The following IL34 variants were observed in gnomAD, a reference collection of about 807,000 sequenced individuals.
IL34 encodes the protein interleukin-34.
A neutral mutation model predicts 25.3 loss-of-function variants in IL34; 17 were observed. The observed-to-expected ratio is 0.67, with a 90% CI of 0.46 to 1.01. The LOEUF (loss-of-function observed/expected upper bound fraction) is 1.01. IL34 is among the 50% of genes least tolerant of loss of function. IL34 has a pLI of 0.00. For missense variants in IL34, 368 were observed against 312.9 expected, an observed-to-expected ratio of 1.18 and a Z score of -1.33; for synonymous variants, 174 against 140.9, an observed-to-expected ratio of 1.23 and a Z score of -1.66.
intron 1 of IL34, among the ~76,000 whole-genome samples, chr16:70,598,821 C>T (rs1474640618): frequency 6.6e-6 from 1 of 152,100 alleles, no homozygotes; most frequent in Non-Finnish European, 1.5e-5. Context: ...TAGACGGATG[C>T]CTGCAGTCCA....
At chr16:70,634,790 T>G (rs1423527981) in intron 1 of IL34, among the ~76,000 whole-genome samples, 1 of 151,718 alleles carries the variant, frequency 6.6e-6, no homozygotes, top group Non-Finnish European at 1.5e-5. Flanking sequence ...CACCATAGAT[T>G]AGTTTATTGG....
intron 1 of IL34, among the ~76,000 whole-genome samples, chr16:70,627,382 C>A (rs1005126747): frequency 1.3e-5 from 2 of 151,896 alleles, no homozygotes; most frequent in Non-Finnish European, 2.9e-5. Flanking sequence ...CCACCAGATC[C>A]CCAAACACTC....
In IL34 at chr16:70,630,399, GT is replaced by G. The variant is rs1256310757; in HGVS notation, c.-400-16145del. Among the ~76,000 whole-genome samples, 8 of 149,056 alleles carry G rather than the reference GT, an allele frequency of 5.4e-5. No homozygotes were observed. The East Asian group carries it at 1.6e-3, about 30-fold the overall frequency. On this transcript the variant is annotated intron_variant, in intron 1 of 6. Transcript: ENST00000429149. The stretch of plus-strand genomic sequence containing the variant: ...GGTGTGCACCACCATGCCTGGCTAA[GT>G]TTTGTATTTTTAGTAGAGACGAGGT...
upstream of IL34, among the ~76,000 whole-genome samples, chr16:70,642,762 T>C (rs988824291): frequency 6.6e-6 from 1 of 152,136 alleles, no homozygotes; most frequent in Admixed American, 6.5e-5. Context: ...GTTCATAACA[T>C]GCTACAAAAT....
intron 1 of IL34, among the ~76,000 whole-genome samples, chr16:70,589,574 C>A (rs1263063279): frequency 6.6e-6 from 1 of 151,104 alleles, no homozygotes; most frequent in Non-Finnish European, 1.5e-5. Context: ...TGATCTCATT[C>A]TTTTTTATAG....
chr16:70,612,558 T>G (rs1278442858), intron 1 of IL34, among the ~76,000 whole-genome samples: 1 of 152,182 alleles, frequency 6.6e-6, no homozygotes, highest in Non-Finnish European at 1.5e-5. Context: ...CACACTAAAG[T>G]GTGAAAGATT....
intron 1 of IL34, among the ~76,000 whole-genome samples, chr16:70,587,982 T>G: frequency 6.6e-6 from 1 of 151,990 alleles, no homozygotes; most frequent in East Asian, 1.9e-4. Flanking sequence ...GAGGTCTCAG[T>G]GAGCAGAGGT....
chr16:70,618,854 T>C (rs2051217274), intron 1 of IL34, among the ~76,000 whole-genome samples: 2 of 152,112 alleles, frequency 1.3e-5, no homozygotes, highest in African/African-American at 4.8e-5. Context: ...CAGTACAGCC[T>C]AGGTAATTTG....
intron 1 of IL34, among the ~76,000 whole-genome samples, chr16:70,630,451 C>T (rs1441093974): frequency 6.6e-6 from 1 of 151,598 alleles, no homozygotes; most frequent in Non-Finnish European, 1.5e-5. Flanking sequence ...AGGCTGGTCT[C>T]GAATTCCTGA....
At chr16:70,598,894 G>C (rs1216059273) in intron 1 of IL34, among the ~76,000 whole-genome samples, 2 of 152,202 alleles carry the variant, frequency 1.3e-5, no homozygotes, top group Non-Finnish European at 2.9e-5. Flanking sequence ...CATAGGCAGT[G>C]GGGGTTCAGA....
intron 1 of IL34, among the ~76,000 whole-genome samples, chr16:70,637,594 C>A (rs186345608): frequency 2.0e-5 from 3 of 150,040 alleles, no homozygotes; most frequent in African/African-American, 4.9e-5. Flanking sequence ...TCTGCCCCCC[C>A]TCGACCTCCC....
intron 1 of IL34, among the ~76,000 whole-genome samples, chr16:70,621,890 TAAGGC>T: frequency 6.6e-6 from 1 of 152,034 alleles, no homozygotes; most frequent in East Asian, 1.9e-4. Context: ...TGTCATCAGT[TAAGGC>T]AAGGACCGGC....
chr16:70,615,003 T>C (rs2051151390), intron 1 of IL34, among the ~76,000 whole-genome samples: 1 of 152,222 alleles, frequency 6.6e-6, no homozygotes, highest in Non-Finnish European at 1.5e-5. Flanking sequence ...TCCTGTCCCA[T>C]AACCGGCCTC....
At chr16:70,656,923 T>C (rs1195072431) in intron 3 of IL34, 37 bp from the exon 4 acceptor site, 2 of 1,584,456 alleles carry the variant, frequency 1.3e-6, no homozygotes, top group Non-Finnish European at 1.7e-6. Context: ...CAGAGGCCCA[T>C]GTCTCCCGAG....
At chr16:70,658,522 G>T (rs1051578624) in intron 4 of IL34, among the ~76,000 whole-genome samples, 1 of 150,888 alleles carries the variant, frequency 6.6e-6, no homozygotes, top group African/African-American at 2.4e-5. Flanking sequence ...TCACTGTGTC[G>T]CCCAGGTGCA....
At chr16:70,645,893 A>C (rs1248236290), upstream of IL34, among the ~76,000 whole-genome samples, 1 of 151,974 alleles carries the variant, frequency 6.6e-6, no homozygotes, top group Non-Finnish European at 1.5e-5. Context: ...TCTCTACTAA[A>C]AATACAAAAA....
chr16:70,615,498 T>C (rs1597748056), intron 1 of IL34, among the ~76,000 whole-genome samples: 1 of 152,006 alleles, frequency 6.6e-6, no homozygotes, highest in East Asian at 1.9e-4. Context: ...AGAGCAAGAC[T>C]CCGTCTCAAA....
Position 70,656,875 on chromosome 16 carries a change from T to G in IL34, c.241-85T>G, listed in dbSNP as rs1041424173. 7.6e-6 allele frequency: 11 copies of G among 1,443,756 alleles called. No individual in the cohort carries two copies. In the East Asian group the frequency reaches 2.5e-4, roughly 33 times the overall value. 89.4% of individuals were successfully genotyped at this position (1,443,756 alleles called of 1,614,324 possible). Reference sequence around the variant, plus strand: ...GCGGACGGCCCGCGTCTGCTCCCTATGCAGGGGCAAGTCCCTGGTGAGGGA... The same window carrying G: ...GCGGACGGCCCGCGTCTGCTCCCTAGGCAGGGGCAAGTCCCTGGTGAGGGA... On this transcript the variant is annotated intron_variant, in intron 3 of 5. Transcript: ENST00000288098.
intron 1 of IL34, among the ~76,000 whole-genome samples, chr16:70,640,312 T>G (rs1290281964): frequency 6.6e-6 from 1 of 152,102 alleles, no homozygotes; most frequent in Non-Finnish European, 1.5e-5. Flanking sequence ...CGGCTAATTT[T>G]GTATTTTTTA....
Sources: allele counts gnomAD v4.1 joint callset (sites outside exome capture counted in the v4.1 genomes callset), GRCh38; gene constraint gnomAD v4.1.1; transcripts MANE v1.5; gene names NCBI Gene and HGNC (gene_info 2026-07-23, HGNC 2026-07-21).